The following TRIP12 variants were observed in gnomAD, a reference collection of about 807,000 sequenced individuals.
TRIP12 encodes thyroid hormone receptor interactor 12.
TRIP12 carries 25 observed loss-of-function variants against 244.2 expected under a neutral mutation model. The ratio of observed to expected loss-of-function variants is 0.10; its 90% CI spans 0.07 to 0.14. The LOEUF (loss-of-function observed/expected upper bound fraction) is 0.14, where lower values mean the gene tolerates loss of function less well. Ranked by LOEUF, TRIP12 falls within the 10% of genes least tolerant of loss-of-function variation. The pLI is 1.00. For synonymous variants in TRIP12, 905 were observed against 873.1 expected (o/e 1.04, Z -0.64); for missense variants, 1,677 against 2,486.4 (o/e 0.67, Z 6.92).
At chr2:229,919,056 G>A (rs1560381758) in intron 1 of TRIP12, among the ~76,000 whole-genome samples, 1 of 152,126 alleles carries the variant, frequency 6.6e-6, no homozygotes, top group Non-Finnish European at 1.5e-5. Flanking sequence ...TTGCTAAGAT[G>A]AAAACCTTAA....
At chr2:229,772,229 C>A (rs759770548) in intron 38 of TRIP12, among the ~76,000 whole-genome samples, 2 of 152,078 alleles carry the variant, frequency 1.3e-5, no homozygotes, top group African/African-American at 4.8e-5. Flanking sequence ...GGTAGAGAAA[C>A]AACATTTTCA....
chr2:229,859,472 G>C lies in TRIP12; in HGVS notation c.327C>G (p.Asp109Glu). 2 of 1,614,172 alleles carry C rather than the reference G, an allele frequency of 1.2e-6. No homozygotes were observed. Among genetic ancestry groups the C allele is most frequent in the Non-Finnish European group, 1.7e-6 (2 of 1,180,036 alleles). The change falls in exon 4 of 42, where the codon GAC becomes GAG. Residue 109 changes from aspartate to glutamate, a missense_variant. Physicochemically the swap from Asp to Glu is conservative, Grantham distance 45. Coordinates refer to ENST00000675903, the MANE Select transcript of TRIP12 (RefSeq NM_001348323.3). ...CACTGCGCTTCACTCCTCGAGAATT[G>C]TCTTTCTTAGGCACCTGCCCCGTTT... is the stretch of plus-strand genomic sequence containing the variant. ...RQKTGQVPKK[D>E]NSRGVKRSAS...
At chr2:229,799,162 CACTT>C in intron 22 of TRIP12, 113 bp from the exon 23 acceptor site, 1 of 1,499,672 alleles carries the variant, frequency 6.7e-7, no homozygotes, top group African/African-American at 1.4e-5. Flanking sequence ...GAACTAAGAA[CACTT>C]AGTCCTCAGG....
At chr2:229,797,079 T>C (rs1377721043) in intron 24 of TRIP12, among the ~76,000 whole-genome samples, 1 of 152,020 alleles carries the variant, frequency 6.6e-6, no homozygotes, top group Non-Finnish European at 1.5e-5. Flanking sequence ...AACAGAAAAC[T>C]GAAGAATAAG....
At chr2:229,904,649 G>C (rs2072160134) in intron 1 of TRIP12, among the ~76,000 whole-genome samples, 1 of 152,000 alleles carries the variant, frequency 6.6e-6, no homozygotes, top group African/African-American at 2.4e-5. Context: ...GCAAAATTGG[G>C]GGTGATTCTT....
At chr2:229,828,489 A>C (rs990904663) in intron 8 of TRIP12, among the ~76,000 whole-genome samples, 1 of 152,252 alleles carries the variant, frequency 6.6e-6, no homozygotes, top group East Asian at 1.9e-4. Flanking sequence ...TCAAGGAAAC[A>C]GGCCGGGCAC....
At chr2:229,805,067 G>A (rs1347906676) in intron 18 of TRIP12, among the ~76,000 whole-genome samples, 3 of 152,008 alleles carry the variant, frequency 2.0e-5, no homozygotes, top group East Asian at 3.9e-4. Flanking sequence ...CACCACGCTC[G>A]GCTAGTTTTT....
chr2:229,880,292 C>G (rs1180460846), intron 1 of TRIP12, among the ~76,000 whole-genome samples, 164 bp from the exon 2 acceptor site: 1 of 152,220 alleles, frequency 6.6e-6, no homozygotes, highest in Non-Finnish European at 1.5e-5. Context: ...TCTGACTGAT[C>G]AACGTGTTAA....
intron 8 of TRIP12, among the ~76,000 whole-genome samples, chr2:229,822,881 C>A (rs1339826611): frequency 6.6e-6 from 1 of 152,002 alleles, no homozygotes; most frequent in Non-Finnish European, 1.5e-5. Context: ...TAAAGAGAAT[C>A]AAAAAACTAT....
At chr2:229,848,071 G>A (rs1354633817) in intron 4 of TRIP12, among the ~76,000 whole-genome samples, 1 of 151,934 alleles carries the variant, frequency 6.6e-6, no homozygotes, top group African/African-American at 2.4e-5. Context: ...CTTCTCTGTG[G>A]AATTTTACCA....
chr2:229,782,517 T>G (rs576462561), intron 34 of TRIP12, among the ~76,000 whole-genome samples: 1 of 152,310 alleles, frequency 6.6e-6, no homozygotes, highest in East Asian at 1.9e-4. Context: ...TTGGTACCTT[T>G]GTCCTGTGTC....
chr2:229,771,993 T>C (rs1487748122), intron 38 of TRIP12, among the ~76,000 whole-genome samples: 1 of 152,248 alleles, frequency 6.6e-6, no homozygotes, highest in East Asian at 1.9e-4. Context: ...AAGGTAATGT[T>C]TGAAGAATCA....
intron 11 of TRIP12, 151 bp downstream of exon 11, chr2:229,814,948 T>A (rs1283867440): frequency 1.2e-5 from 7 of 587,412 alleles, no homozygotes; most frequent in East Asian, 3.0e-5. Context: ...CAATGATTTA[T>A]CTTCACCTTC....
At chr2:229,797,939 T>C in intron 23 of TRIP12, 108 bp from the exon 24 acceptor site, 1 of 1,182,492 alleles carries the variant, frequency 8.5e-7, no homozygotes, top group Non-Finnish European at 1.2e-6. Flanking sequence ...TGGTCTATGC[T>C]TACAGTTTAA....
chr2:229,888,992 TC>T (rs941429963), intron 1 of TRIP12, among the ~76,000 whole-genome samples: 1 of 152,218 alleles, frequency 6.6e-6, no homozygotes, highest in African/African-American at 2.4e-5. Flanking sequence ...ATATGTAATT[TC>T]CCTGTTTGTC....
At chr2:229,898,448 A>C (rs565243631) in intron 1 of TRIP12, among the ~76,000 whole-genome samples, 2 of 152,214 alleles carry the variant, frequency 1.3e-5, no homozygotes, top group Non-Finnish European at 2.9e-5. Flanking sequence ...ACTCACATTT[A>C]ACACAAAAAG....
rs1027311394 is a variant in TRIP12, at chr2:229,800,857, A to G, written c.3206+1395T>C. Among the ~76,000 whole-genome samples, 303 of 152,270 alleles carry G rather than the reference A, an allele frequency of 2.0e-3. 1 individual carries two copies. The highest frequency in any genetic ancestry group is 7.1e-3 in the African/African-American group (296 of 41,538). On this transcript the variant is annotated intron_variant, in intron 21 of 41. Transcript: ENST00000675903. ...GTAGGGAGGGTCACTTGAGCCCGGG[A>G]GTTCGAGGTTAGCCTGAGAAACAGA...
At chr2:229,895,034 C>T (rs571813603) in intron 1 of TRIP12, among the ~76,000 whole-genome samples, 1 of 152,178 alleles carries the variant, frequency 6.6e-6, no homozygotes, top group South Asian at 2.1e-4. Flanking sequence ...GTAAACAAGG[C>T]ATCATGAATA....
chr2:229,787,943 C>T (rs2040497505), intron 32 of TRIP12, among the ~76,000 whole-genome samples: 1 of 152,116 alleles, frequency 6.6e-6, no homozygotes, highest in African/African-American at 2.4e-5. Flanking sequence ...GCTGGGATTA[C>T]AGGCTCCTGA....
Sources: gnomAD v4.1 joint callset for allele counts (sites outside exome capture counted in the v4.1 genomes callset) on GRCh38, gnomAD v4.1.1 for gene constraint, MANE v1.5 for transcripts, NCBI Gene and HGNC (gene_info 2026-07-23, HGNC 2026-07-21) for gene names.